The following PCLO variants were observed in gnomAD, a reference collection of about 807,000 sequenced individuals.
PCLO encodes piccolo presynaptic cytomatrix protein, also known as protein piccolo.
Under a neutral mutation model 427.5 loss-of-function variants are expected in PCLO, and 82 were observed. The ratio of observed to expected loss-of-function variants is 0.19; its 90% CI spans 0.16 to 0.23. The LOEUF (loss-of-function observed/expected upper bound fraction) is 0.23, where lower values mean the gene tolerates loss of function less well. PCLO is among the 10% of genes least tolerant of loss of function. The probability of loss-of-function intolerance (pLI) is 1.00; values close to 1 mark genes in which losing one functional copy is unlikely to be tolerated. For synonymous variants in PCLO, 2,357 were observed against 2,155.4 expected (o/e 1.09, Z -2.59); for missense variants, 6,239 against 6,115.9 (o/e 1.02, Z -0.67).
At chr7:83,104,313 ATCT>A (rs1448744835) in intron 3 of PCLO, among the ~76,000 whole-genome samples, 1 of 152,068 alleles carries the variant, frequency 6.6e-6, no homozygotes, top group East Asian at 1.9e-4. Flanking sequence ...AAAGGAAAAT[ATCT>A]TCTTTAGGCG....
intron 10 of PCLO, among the ~76,000 whole-genome samples, chr7:82,870,331 C>G (rs984410513): frequency 6.6e-6 from 1 of 151,884 alleles, no homozygotes; most frequent in African/African-American, 2.4e-5. Context: ...AAAGAATATA[C>G]GCTGGCAAAA....
At chr7:83,019,306 G>C (rs1391399231) in intron 3 of PCLO, among the ~76,000 whole-genome samples, 1 of 151,880 alleles carries the variant, frequency 6.6e-6, no homozygotes, top group East Asian at 1.9e-4. Context: ...GCAGGAAGAA[G>C]AACAGAAATA....
At chr7:82,782,382 T>A (rs1273990929) in intron 22 of PCLO, among the ~76,000 whole-genome samples, 1 of 152,200 alleles carries the variant, frequency 6.6e-6, no homozygotes, top group Admixed American at 6.5e-5. Context: ...AAATCTTCTA[T>A]ACATAAATGC....
At chr7:82,792,971 A>C (rs1791137259) in intron 22 of PCLO, among the ~76,000 whole-genome samples, 1 of 149,368 alleles carries the variant, frequency 6.7e-6, no homozygotes, top group Non-Finnish European at 1.5e-5. Context: ...GGCAAGCTTT[A>C]CTTAATTTTC....
chr7:82,786,364 T>A (rs1448540773), intron 22 of PCLO, among the ~76,000 whole-genome samples: 2 of 152,194 alleles, frequency 1.3e-5, no homozygotes, highest in African/African-American at 4.8e-5. Flanking sequence ...TCTGATATAT[T>A]TTTCTATACC....
chr7:82,822,834 G>C, intron 19 of PCLO, 145 bp from the exon 20 acceptor site: 1 of 707,990 alleles, frequency 1.4e-6, no homozygotes, highest in Middle Eastern at 2.5e-4. Flanking sequence ...TCATCATACA[G>C]AATGATGATT....
Position 82,893,297 on chromosome 7 carries a change from A to G in PCLO, c.13528+9354T>C, listed in dbSNP as rs10280075. ...AGGGACATGGATGAAGCTAGAAACC[A>G]TCATTCTCAGCAAACTATCGCAAGG... is the stretch of plus-strand genomic sequence containing the variant. On this transcript the variant is annotated intron_variant, in intron 9 of 24. Coordinates refer to ENST00000333891, the MANE Select transcript of PCLO (RefSeq NM_033026.6). 3.2e-3 allele frequency among the ~76,000 whole-genome samples: 490 copies of G among 152,238 alleles called. 2 individuals carry two copies. Among genetic ancestry groups the G allele is most frequent in the African/African-American group, 0.011 (471 of 41,548 alleles).
chr7:82,986,553 T>A (rs1330971715), intron 3 of PCLO, among the ~76,000 whole-genome samples: 2 of 151,916 alleles, frequency 1.3e-5, no homozygotes, highest in Non-Finnish European at 2.9e-5. Flanking sequence ...ATTTACCTGT[T>A]TTTCACTTTG....
chr7:83,113,495 T>C (rs554397961), intron 3 of PCLO, among the ~76,000 whole-genome samples: 2 of 152,310 alleles, frequency 1.3e-5, no homozygotes, highest in Non-Finnish European at 2.9e-5. Flanking sequence ...CCATTTGAAA[T>C]GGGCATAACA....
chr7:82,916,392 C>A lies in PCLO; in HGVS notation c.11594G>T (p.Ser3865Ile). ...RPRTAPQTEFSQFIPPQTQTE... is the reference protein window; with the variant it reads ...RPRTAPQTEFIQFIPPQTQTE... ...TTGGGTTTGTGGTGGTATAAACTGG[C>A]TGAATTCAGTTTGGGGAGCAGTTCT... Residue 3865 changes from serine (S) to isoleucine (I), a missense_variant, in exon 7 of 25, where the codon AGC (serine) becomes ATC (isoleucine). Ser to Ile is a moderately radical substitution (Grantham distance 142, BLOSUM62 -2). This residue lies in a region of PCLO where 680 missense variants were observed against 677.3 expected (regional missense o/e 1.00). Coordinates refer to ENST00000333891, the MANE Select transcript of PCLO (RefSeq NM_033026.6). 1 of 1,613,640 alleles carries A rather than the reference C, an allele frequency of 6.2e-7. No homozygotes were observed. The highest frequency in any genetic ancestry group is 8.5e-7 in the Non-Finnish European group (1 of 1,179,722).
At chr7:82,814,320 T>A (rs1017757871) in intron 20 of PCLO, among the ~76,000 whole-genome samples, 2 of 151,670 alleles carry the variant, frequency 1.3e-5, no homozygotes, top group South Asian at 4.1e-4. Flanking sequence ...AGAAGAGATA[T>A]ATAAGATACA....
chr7:82,883,231 A>C (rs1793551372), intron 9 of PCLO, among the ~76,000 whole-genome samples: 1 of 152,122 alleles, frequency 6.6e-6, no homozygotes, highest in African/African-American at 2.4e-5. Flanking sequence ...AATAATGCCT[A>C]TAAAATACCA....
chr7:83,083,441 G>T (rs1220534155), intron 3 of PCLO, among the ~76,000 whole-genome samples: 1 of 151,610 alleles, frequency 6.6e-6, no homozygotes, highest in Non-Finnish European at 1.5e-5. Context: ...TATTTTTGAG[G>T]GTTTCCTTTT....
chr7:82,944,008 G>A (rs781187289), intron 6 of PCLO, among the ~76,000 whole-genome samples: 14 of 151,622 alleles, frequency 9.2e-5, no homozygotes, highest in East Asian at 2.0e-4. Flanking sequence ...TTAGCTGGGC[G>A]GGGTGGCAAG....
At chr7:82,855,364 C>A (rs1452713056) in intron 10 of PCLO, among the ~76,000 whole-genome samples, 1 of 152,060 alleles carries the variant, frequency 6.6e-6, no homozygotes, top group African/African-American at 2.4e-5. Context: ...TGAACCCCAA[C>A]CATCTCCTAG....
At chr7:83,055,375 C>G (rs1442888938) in intron 3 of PCLO, among the ~76,000 whole-genome samples, 1 of 151,990 alleles carries the variant, frequency 6.6e-6, no homozygotes, top group Non-Finnish European at 1.5e-5. Context: ...TTATGGAAAG[C>G]AAAATAAAAA....
At chr7:82,822,770 C>A in intron 19 of PCLO, 81 bp from the exon 20 acceptor site, 3 of 1,168,596 alleles carry the variant, frequency 2.6e-6, no homozygotes, top group Non-Finnish European at 3.8e-6. Flanking sequence ...TAATTTGAAA[C>A]TGCCTAAAAT....
At chr7:82,766,868 T>C (rs1370173266) in intron 22 of PCLO, among the ~76,000 whole-genome samples, 3 of 152,026 alleles carry the variant, frequency 2.0e-5, no homozygotes, top group Non-Finnish European at 4.4e-5. Context: ...ACTTGTGAAA[T>C]TTTTTTTATA....
chr7:82,822,322 A>C (rs1791813177), intron 20 of PCLO, 173 bp downstream of exon 20: 4 of 1,444,088 alleles, frequency 2.8e-6, no homozygotes, highest in Non-Finnish European at 9.1e-7. Flanking sequence ...AAAAATCTAA[A>C]TAAGAAAGAG....
Sources: gnomAD v4.1 joint callset for allele counts (sites outside exome capture counted in the v4.1 genomes callset) on GRCh38, gnomAD v4.1.1 for gene constraint, gnomAD v4.1.1 regional missense constraint, MANE v1.5 for transcripts, NCBI Gene and HGNC (gene_info 2026-07-23, HGNC 2026-07-21) for gene names.